The following USP24 variants were observed in gnomAD, a reference collection of about 807,000 sequenced individuals.
USP24 encodes ubiquitin specific peptidase 24.
In USP24, 97 loss-of-function variants were observed where a neutral mutation model predicts 361.6. The ratio of observed to expected loss-of-function variants is 0.27; its 90% CI spans 0.23 to 0.32. The LOEUF is 0.32. Among genes scored for constraint, USP24 ranks in the 10% least tolerant of loss-of-function variants. The pLI is 1.00. For synonymous variants in USP24, 1,098 were observed against 1,124.6 expected (o/e 0.98, Z 0.47); for missense variants, 2,353 against 3,165.6 (o/e 0.74, Z 6.16).
intron 12 of USP24, among the ~76,000 whole-genome samples, chr1:55,156,325 C>A (rs1323966444): frequency 6.6e-6 from 1 of 150,990 alleles, no homozygotes; most frequent in South Asian, 2.1e-4. Context: ...CACAGGAATG[C>A]CTGCAATTGA....
chr1:55,093,782 T>C (rs1570384508), intron 52 of USP24, 155 bp downstream of exon 52: 1 of 1,042,442 alleles, frequency 9.6e-7, no homozygotes, highest in East Asian at 2.7e-5. Context: ...TATGGCCCCC[T>C]CTGTGTCGTG....
intron 1 of USP24, among the ~76,000 whole-genome samples, chr1:55,209,778 T>G (rs1369852575): frequency 1.3e-5 from 2 of 152,162 alleles, no homozygotes; most frequent in Admixed American, 1.3e-4. Context: ...TTTCTCTCTG[T>G]GGTTCCATAT....
intron 38 of USP24, among the ~76,000 whole-genome samples, chr1:55,119,512 G>A (rs547667368): frequency 6.6e-6 from 1 of 152,144 alleles, no homozygotes; most frequent in African/African-American, 2.4e-5. Context: ...GCATCACAAT[G>A]TGTGCATACT....
intron 1 of USP24, among the ~76,000 whole-genome samples, chr1:55,200,520 C>CA (rs1353790237): frequency 1.3e-5 from 2 of 152,248 alleles, no homozygotes; most frequent in East Asian, 1.9e-4. Flanking sequence ...CTCCTACTCC[C>CA]ACTCCACATA....
intron 1 of USP24, among the ~76,000 whole-genome samples, chr1:55,204,549 G>C (rs1202513319): frequency 6.6e-6 from 1 of 151,794 alleles, no homozygotes; most frequent in Non-Finnish European, 1.5e-5. Flanking sequence ...AAAAATCCTA[G>C]AGGCACTATA....
chr1:55,088,490 G>A (rs1247931375), intron 55 of USP24, among the ~76,000 whole-genome samples: 1 of 152,206 alleles, frequency 6.6e-6, no homozygotes, highest in East Asian at 1.9e-4. Context: ...TGCACATGTA[G>A]AGAGATTCAT....
chr1:55,205,515 T>C (rs141799917), intron 1 of USP24, among the ~76,000 whole-genome samples: 39 of 147,126 alleles, frequency 2.7e-4, no homozygotes, highest in African/African-American at 8.3e-4. Context: ...ATGTGAATTC[T>C]AGATTTAAAA....
At chr1:55,096,359 C>T (rs1645495711) in intron 50 of USP24, 139 bp downstream of exon 50, 1 of 716,136 alleles carries the variant, frequency 1.4e-6, no homozygotes, top group Admixed American at 4.2e-5. Context: ...AAAGAGCTTG[C>T]TCATGGTTCT....
intron 5 of USP24, among the ~76,000 whole-genome samples, chr1:55,167,424 C>T (rs1460595808): frequency 3.3e-5 from 5 of 152,066 alleles, no homozygotes; most frequent in Admixed American, 3.3e-4. Context: ...CACGGTGAGC[C>T]AGGAGTGGCA....
rs181125470 is a variant in USP24 at position 55,155,309 on chromosome 1, C to T, written c.1447-531G>A. Among the ~76,000 whole-genome samples the T allele has an allele frequency of 3.6e-4, 55 of 152,258 alleles. 2 individuals carry two copies. In the East Asian group the frequency reaches 9.8e-3, roughly 27 times the overall value. The stretch of plus-strand genomic sequence containing the variant: ...TTGTCAACCTTAAGGTTTAAATTCA[C>T]TTTATAACGTCAATTATGTCACTGT... On this transcript the variant is annotated intron_variant, in intron 12 of 67. Transcript: ENST00000294383.
intron 1 of USP24, among the ~76,000 whole-genome samples, chr1:55,190,605 T>C (rs983796989): frequency 6.6e-6 from 1 of 152,222 alleles, no homozygotes; most frequent in African/African-American, 2.4e-5. Context: ...ATCCAAATGA[T>C]ACAAAAGTAA....
chr1:55,171,044 T>C (rs980995460), intron 5 of USP24, among the ~76,000 whole-genome samples: 5 of 152,200 alleles, frequency 3.3e-5, no homozygotes, highest in Admixed American at 2.6e-4. Context: ...GTGTTTTAAC[T>C]AAAGGACTGT....
Position 55,177,995 on chromosome 1 carries a change from C to A in USP24, c.462G>T (p.Leu154=), listed in dbSNP as rs935559336. The A allele has an allele frequency of 1.3e-6, 2 of 1,551,614 alleles. No homozygotes were observed. Among genetic ancestry groups the A allele is most frequent in the Non-Finnish European group, 1.7e-6 (2 of 1,146,960 alleles). The change falls in exon 2 of 68, where the codon CTG becomes CTT. Residue 154 remains leucine (L), a synonymous_variant. Coordinates refer to ENST00000294383, the MANE Select transcript of USP24 (RefSeq NM_015306.3). ...GTCTTGCTAGGTAGGTAGATGCCAA[C>A]AGGCATTTGCCTAGTGATTCTTCTC... ...YKREESLGKC[L]LASTYLARLG... is the part of the protein sequence containing the mutation.
intron 47 of USP24, 55 bp downstream of exon 47, chr1:55,097,888 C>A: frequency 6.5e-7 from 1 of 1,546,134 alleles, no homozygotes; most frequent in Non-Finnish European, 8.7e-7. Flanking sequence ...AAAACAAAGA[C>A]GCACTATGCG....
At position 55,157,057 on chromosome 1, in the gene USP24, T is replaced by C. The variant is rs772809243; in HGVS notation, c.1343-6A>G. The C allele has an allele frequency of 8.7e-6, 14 of 1,605,758 alleles. No individual in the cohort carries two copies. Among genetic ancestry groups the C allele is most frequent in the Middle Eastern group, 3.3e-4 (2 of 6,050 alleles). On this transcript the variant is annotated splice_region_variant and splice_polypyrimidine_tract_variant and intron_variant, in intron 11 of 67. Coordinates refer to ENST00000294383, the MANE Select transcript of USP24 (RefSeq NM_015306.3). The stretch of plus-strand genomic sequence containing the variant: ...TTGTGCTTGGTCTATGTTGCCTAAT[T>C]GAAGAAACATGAGAGAGAAAGTCAG...
chr1:55,077,415 C>T, intron 61 of USP24, 115 bp from the exon 62 acceptor site: 1 of 781,300 alleles, frequency 1.3e-6, no homozygotes, highest in Non-Finnish European at 1.9e-6. Flanking sequence ...CTGGACAAGT[C>T]AATACTGCTT....
intron 7 of USP24, among the ~76,000 whole-genome samples, chr1:55,162,553 C>T (rs1648402384): frequency 6.6e-6 from 1 of 152,062 alleles, no homozygotes; most frequent in South Asian, 2.1e-4. Flanking sequence ...GAATACTATA[C>T]ATTTTTTTAA....
chr1:55,178,709 AAATAAATAAATAAATAAAT>A (rs1181211619), intron 1 of USP24, among the ~76,000 whole-genome samples: 20 of 125,528 alleles, frequency 1.6e-4, no homozygotes, highest in East Asian at 4.4e-4. Context: ...ATAAATAAAT[AAATAAATAAATAAATAAAT>A]AAAAAGAACT....
At chr1:55,070,243 G>A (rs1260459354) in intron 67 of USP24, among the ~76,000 whole-genome samples, 2 of 152,080 alleles carry the variant, frequency 1.3e-5, no homozygotes, top group African/African-American at 4.8e-5. Flanking sequence ...AGTGGAGAAC[G>A]TCAAGAACAA....
Sources: allele counts gnomAD v4.1 joint callset (sites outside exome capture counted in the v4.1 genomes callset), GRCh38; gene constraint gnomAD v4.1.1; transcripts MANE v1.5; gene names NCBI Gene and HGNC (gene_info 2026-07-23, HGNC 2026-07-21).